The following PCDH9 variants were observed in gnomAD, a reference collection of about 807,000 sequenced individuals.
PCDH9 encodes the protein protocadherin-9.
PCDH9 carries 24 observed loss-of-function variants against 70.6 expected under a neutral mutation model. That is an observed-to-expected ratio of 0.34 (90% confidence interval 0.25 to 0.48). PCDH9 has a LOEUF of 0.48. Among genes scored for constraint, PCDH9 ranks in the 20% least tolerant of loss-of-function variants. PCDH9 has a pLI of 0.99. For synonymous variants in PCDH9, 562 were observed against 558.5 expected, an observed-to-expected ratio of 1.01 and a Z score of -0.09; for missense variants, 1,281 against 1,503.6, an observed-to-expected ratio of 0.85 and a Z score of 2.45.
At chr13:66,497,363 T>A (rs1418318286) in intron 4 of PCDH9, among the ~76,000 whole-genome samples, 1 of 152,174 alleles carries the variant, frequency 6.6e-6, no homozygotes, top group Non-Finnish European at 1.5e-5. Context: ...AATAAATATG[T>A]TAGACTCATA....
intron 2 of PCDH9, among the ~76,000 whole-genome samples, chr13:67,187,493 C>T (rs923153081): frequency 1.3e-5 from 2 of 152,064 alleles, no homozygotes; most frequent in African/African-American, 2.4e-5. Context: ...TTAAATGGTA[C>T]AGCTACAAAA....
At chr13:66,526,175 C>G (rs984463263) in intron 4 of PCDH9, among the ~76,000 whole-genome samples, 2 of 152,042 alleles carry the variant, frequency 1.3e-5, no homozygotes, top group Non-Finnish European at 2.9e-5. Flanking sequence ...AATGCTTCTA[C>G]AAACAGGAGT....
intron 4 of PCDH9, among the ~76,000 whole-genome samples, chr13:66,609,935 G>A (rs925571820): frequency 1.3e-5 from 2 of 150,532 alleles, no homozygotes; most frequent in African/African-American, 4.9e-5. Flanking sequence ...ATACCAGTAA[G>A]GAGAAATAGC....
chr13:66,940,691 A>G (rs540427222), intron 2 of PCDH9, among the ~76,000 whole-genome samples: 6 of 152,146 alleles, frequency 3.9e-5, no homozygotes, highest in Admixed American at 2.6e-4. Context: ...TGTCAAACAG[A>G]TTGGTCATAA....
rs78377825 is a variant in PCDH9 at position 66,857,122 on chromosome 13, G to C, written c.3138+46382C>G. ...TTCTATTTTTCAAGAATTTAATCACGCCCATTAAATTTCTCTAGCCATGAT... is the reference window on the plus strand; with the variant it reads ...TTCTATTTTTCAAGAATTTAATCACCCCCATTAAATTTCTCTAGCCATGAT... On this transcript the variant is annotated intron_variant, in intron 3 of 4. Transcript: ENST00000377865. Among the ~76,000 whole-genome samples the C allele has an allele frequency of 9.8e-3, 1,484 of 151,450 alleles. 43 individuals are homozygous for C. In the South Asian group the frequency reaches 0.12, roughly 12 times the overall value.
chr13:66,945,983 G>A (rs12869004), intron 2 of PCDH9, among the ~76,000 whole-genome samples: 2 of 152,030 alleles, frequency 1.3e-5, no homozygotes, highest in African/African-American at 4.8e-5. Context: ...AACCTCTAAA[G>A]TTTTCCAACA....
chr13:67,137,317 C>T (rs1269839408), intron 2 of PCDH9, among the ~76,000 whole-genome samples: 1 of 152,028 alleles, frequency 6.6e-6, no homozygotes, highest in Non-Finnish European at 1.5e-5. Flanking sequence ...GGGTGGTAAA[C>T]TATTTAAATC....
At chr13:66,771,648 A>C (rs1018613364) in intron 3 of PCDH9, among the ~76,000 whole-genome samples, 2 of 152,238 alleles carry the variant, frequency 1.3e-5, no homozygotes, top group Non-Finnish European at 2.9e-5. Flanking sequence ...GAGGCAGTAT[A>C]GAGTTTTGAT....
chr13:66,762,003 A>G (rs2079636679), intron 3 of PCDH9, among the ~76,000 whole-genome samples: 1 of 151,982 alleles, frequency 6.6e-6, no homozygotes, highest in South Asian at 2.1e-4. Context: ...CAGTATTTGC[A>G]GTATGGATTT....
At chr13:66,940,176 C>G (rs987223022) in intron 2 of PCDH9, among the ~76,000 whole-genome samples, 1 of 152,096 alleles carries the variant, frequency 6.6e-6, no homozygotes, top group Non-Finnish European at 1.5e-5. Context: ...TCTTTTCATT[C>G]CAGTCCCATT....
rs1390801388 is a variant in PCDH9, at chr13:66,303,223, C to T, written c.*1432G>A. 1 of 151,416 alleles carries T rather than the reference C, an allele frequency of 6.6e-6. No homozygotes were observed. The highest frequency in any genetic ancestry group is 1.5e-5 in the Non-Finnish European group (1 of 67,824). The allele number at this position is 151,416 out of a possible 1,614,324, so 9.4% of individuals were successfully genotyped here. ...TTGCATGCTATTTATTTGTTTAAAT[C>T]ATCTGTCATGCCTTAACAAAAACCT... On this transcript the variant is annotated 3_prime_UTR_variant, in exon 5 of 5. Coordinates refer to ENST00000377865, the MANE Select transcript of PCDH9 (RefSeq NM_203487.3).
chr13:66,966,356 C>A (rs568902779), intron 2 of PCDH9, among the ~76,000 whole-genome samples: 1 of 152,040 alleles, frequency 6.6e-6, no homozygotes, highest in Admixed American at 6.6e-5. Context: ...ACAAGCGATG[C>A]AGTAGAAACT....
At chr13:66,392,014 C>T (rs576470145) in intron 4 of PCDH9, among the ~76,000 whole-genome samples, 66 of 151,138 alleles carry the variant, frequency 4.4e-4, no homozygotes, top group Non-Finnish European at 6.9e-4. Context: ...TATTAATATA[C>T]ACACTCATAG....
intron 4 of PCDH9, among the ~76,000 whole-genome samples, chr13:66,393,119 G>A (rs1957046845): frequency 6.6e-6 from 1 of 152,154 alleles, no homozygotes; most frequent in African/African-American, 2.4e-5. Flanking sequence ...TGTTCTAAGT[G>A]TAAGTTTCAT....
chr13:66,589,908 A>T (rs1237232514), intron 4 of PCDH9, among the ~76,000 whole-genome samples: 1 of 152,006 alleles, frequency 6.6e-6, no homozygotes, highest in East Asian at 1.9e-4. Flanking sequence ...ATAAGAAGAA[A>T]TTTTTTCTTT....
intron 2 of PCDH9, among the ~76,000 whole-genome samples, chr13:67,104,878 C>A (rs753571243): frequency 2.6e-5 from 4 of 151,872 alleles, no homozygotes; most frequent in Non-Finnish European, 4.4e-5. Context: ...GTAGGATCCC[C>A]CTCTTTCTAT....
chr13:66,579,223 G>A (rs1323698353), intron 4 of PCDH9, among the ~76,000 whole-genome samples: 2 of 151,888 alleles, frequency 1.3e-5, no homozygotes, highest in East Asian at 3.9e-4. Context: ...GTTTTATTTT[G>A]CAGTAGTCAT....
At chr13:66,864,809 G>A (rs1246663701) in intron 3 of PCDH9, among the ~76,000 whole-genome samples, 6 of 152,272 alleles carry the variant, frequency 3.9e-5, no homozygotes, top group Middle Eastern at 3.4e-3. Context: ...TTTGTGCATC[G>A]TTTTAAAAAT....
chr13:66,962,098 A>G (rs1200340425), intron 2 of PCDH9, among the ~76,000 whole-genome samples: 1 of 152,102 alleles, frequency 6.6e-6, no homozygotes, highest in Non-Finnish European at 1.5e-5. Context: ...AAAAAAACAT[A>G]GATATCTTTG....
Sources: gnomAD v4.1 joint callset for allele counts (sites outside exome capture counted in the v4.1 genomes callset) on GRCh38, gnomAD v4.1.1 for gene constraint, MANE v1.5 for transcripts, NCBI Gene and HGNC (gene_info 2026-07-23, HGNC 2026-07-21) for gene names.